USP54: variants seen among roughly 807,000 people sequenced by gnomAD.
USP54 encodes the protein ubiquitin carboxyl-terminal hydrolase 54.
USP54 carries 87 observed loss-of-function variants against 170.5 expected under a neutral mutation model. The observed-to-expected ratio is 0.51, with a 90% CI of 0.43 to 0.61. The LOEUF (loss-of-function observed/expected upper bound fraction) is 0.61. Among genes scored for constraint, USP54 ranks in the 20% least tolerant of loss-of-function variants. The probability of loss-of-function intolerance (pLI) is 0.00; values close to 1 mark genes in which losing one functional copy is unlikely to be tolerated. For synonymous variants in USP54, 655 were observed against 742.8 expected, an observed-to-expected ratio of 0.88 and a Z score of 1.92; for missense variants, 1,786 against 2,047.8, an observed-to-expected ratio of 0.87 and a Z score of 2.47.
intron 12 of USP54, among the ~76,000 whole-genome samples, chr10:73,532,296 C>G (rs937818091): frequency 2.6e-5 from 4 of 152,180 alleles, no homozygotes; most frequent in African/African-American, 9.7e-5. Flanking sequence ...CCTCAGCCTC[C>G]TGAGTAGCTG....
chr10:73,592,604 T>C (rs1182883334), upstream of USP54, among the ~76,000 whole-genome samples: 1 of 152,182 alleles, frequency 6.6e-6, no homozygotes, highest in Non-Finnish European at 1.5e-5. Context: ...ACAAAATTTC[T>C]ACTGATAAGT....
At chr10:73,528,835 A>G (rs536742727) in intron 15 of USP54, among the ~76,000 whole-genome samples, 4 of 152,336 alleles carry the variant, frequency 2.6e-5, no homozygotes, top group African/African-American at 9.6e-5. Context: ...GGTATACAAC[A>G]TGATGTTATG....
chr10:73,513,958 G>T (rs1024708832), intron 20 of USP54, among the ~76,000 whole-genome samples: 1 of 152,092 alleles, frequency 6.6e-6, no homozygotes, highest in African/African-American at 2.4e-5. Context: ...TGGGATTACA[G>T]GTGCCCGCCA....
At chr10:73,556,122 A>G (rs2070925685) in intron 4 of USP54, among the ~76,000 whole-genome samples, 1 of 152,098 alleles carries the variant, frequency 6.6e-6, no homozygotes, top group Non-Finnish European at 1.5e-5. Flanking sequence ...GATTAGACAT[A>G]AGGACATACT....
chr10:73,502,559 C>T (rs1231587080), intron 22 of USP54, among the ~76,000 whole-genome samples: 2 of 151,844 alleles, frequency 1.3e-5, no homozygotes, highest in East Asian at 1.9e-4. Context: ...ATGATCTGCC[C>T]GCCTCAGCCT....
In USP54 at chr10:73,519,874, C is replaced by T; in HGVS notation, c.2601G>A (p.Gln867=). 1 of 1,614,166 alleles carries T rather than the reference C, an allele frequency of 6.2e-7. No individual in the cohort carries two copies. Among genetic ancestry groups the T allele is most frequent in the East Asian group, 2.2e-5 (1 of 44,882 alleles). The change falls in exon 19 of 24, where the codon CAG becomes CAA. Residue 867 remains glutamine (Q), a synonymous_variant. Transcript: ENST00000687698. ...KARSLQDRMQ[Q]QQSPQQPSQP... is the part of the protein sequence containing the mutation. ...GCGACGGCTGCTGTGGTGATTGCTG[C>T]TGCTGCATGCGATCCTGCAGGCTCC... is the stretch of plus-strand genomic sequence containing the variant.
chr10:73,523,919 A>C (rs2062394076), intron 16 of USP54, among the ~76,000 whole-genome samples, 169 bp from the exon 17 acceptor site: 1 of 143,174 alleles, frequency 7.0e-6, no homozygotes, highest in Non-Finnish European at 1.5e-5. Flanking sequence ...TATTATTATT[A>C]TTATTTTGAG....
At chr10:73,528,944 G>A (rs1024754386) in intron 15 of USP54, 6 of 152,022 alleles carry the variant, frequency 3.9e-5, no homozygotes, top group Non-Finnish European at 8.8e-5. Context: ...TGTGGCAAGA[G>A]GAGTTAAAAT....
In USP54 at chr10:73,614,518, C is replaced by A. The variant is rs138073405; in HGVS notation, c.-18+11049G>T. ...GATGTTGCAGTGAGCCGAGATCACGCCACGGCACTCCAGCCTAGGCAACAA... is the reference window on the plus strand; with the variant it reads ...GATGTTGCAGTGAGCCGAGATCACGACACGGCACTCCAGCCTAGGCAACAA... On this transcript the variant is annotated intron_variant, in intron 1 of 22. Coordinates refer to the USP54 transcript ENST00000339859. Among the ~76,000 whole-genome samples the A allele has an allele frequency of 5.1e-4, 74 of 145,304 alleles. 4 individuals are homozygous for A. Among genetic ancestry groups the A allele is most frequent in the African/African-American group, 2.0e-3 (74 of 36,570 alleles).
intron 20 of USP54, chr10:73,506,609 T>G (rs1278076663): frequency 6.6e-6 from 1 of 152,236 alleles, no homozygotes; most frequent in Non-Finnish European, 1.5e-5. Context: ...TCAGTATTCC[T>G]GGGTACTTAA....
chr10:73,579,782 A>AAC (rs1564908754), intron 1 of USP54, among the ~76,000 whole-genome samples: 1 of 151,970 alleles, frequency 6.6e-6, no homozygotes, highest in East Asian at 1.9e-4. Flanking sequence ...ACAACAACAA[A>AAC]AAAAAACTAC....
intron 13 of USP54, 41 bp downstream of exon 13, chr10:73,530,663 A>C: frequency 6.2e-7 from 1 of 1,609,538 alleles, no homozygotes; most frequent in South Asian, 1.1e-5. Context: ...AGTTTGATAG[A>C]GTGAATGAAG....
intron 4 of USP54, among the ~76,000 whole-genome samples, chr10:73,559,184 G>A (rs1181398891): frequency 6.6e-6 from 1 of 152,096 alleles, no homozygotes; most frequent in Non-Finnish European, 1.5e-5. Flanking sequence ...ACCTTGGGAG[G>A]CCAAGACAGG....
chr10:73,561,766 C>G (rs1413119067), intron 4 of USP54, among the ~76,000 whole-genome samples: 2 of 152,160 alleles, frequency 1.3e-5, no homozygotes, highest in African/African-American at 2.4e-5. Context: ...TGAGAAGATA[C>G]TAACTTCAAT....
chr10:73,518,730 T>C (rs1275144103), intron 19 of USP54: 1 of 152,712 alleles, frequency 6.5e-6, no homozygotes, highest in Admixed American at 6.5e-5. Context: ...TTTTTTTTTT[T>C]TTTTTTTTTT....
chr10:73,624,143 AAGGATTT>A (rs1043522674), intron 1 of USP54, among the ~76,000 whole-genome samples: 2 of 127,506 alleles, frequency 1.6e-5, no homozygotes, highest in Non-Finnish European at 3.3e-5. Context: ...CCAGCTGAAG[AAGGATTT>A]TTAAAAGCCA....
chr10:73,586,276 C>T (rs1051819153), intron 1 of USP54, among the ~76,000 whole-genome samples: 1 of 152,182 alleles, frequency 6.6e-6, no homozygotes, highest in African/African-American at 2.4e-5. Context: ...CTCTGGAATG[C>T]CTTTCCTCTC....
Position 73,530,346 on chromosome 10 carries a change from T to C in USP54, c.1625A>G (p.Lys542Arg). ...TAAAGGCAGGGTCCTAGGAGGTTTTTTGTCAGGCTGGTCTCCTCCTCTGCC... is the reference window on the plus strand; with the variant it reads ...TAAAGGCAGGGTCCTAGGAGGTTTTCTGTCAGGCTGGTCTCCTCCTCTGCC... Reference protein sequence around the residue: ...CRGRGGDQPDKKPPRTLPLHS... With the variant: ...CRGRGGDQPDRKPPRTLPLHS... The change falls in exon 14 of 24, where the codon AAA (lysine) becomes AGA (arginine). Residue 542 changes from lysine to arginine, a missense_variant. Lys to Arg is a conservative substitution (Grantham distance 26). Transcript: ENST00000687698. 6.2e-7 allele frequency: 1 copy of C among 1,614,102 alleles called. No homozygotes were observed.
Position 73,541,511 on chromosome 10 carries a change from CCA to C in USP54, c.687_688del (p.Cys229TrpfsTer43). The C allele has an allele frequency of 1.9e-6, 3 of 1,614,220 alleles. No homozygotes were observed. The highest frequency in any genetic ancestry group is 2.5e-6 in the Non-Finnish European group (3 of 1,180,040). On this transcript the variant is annotated frameshift_variant, in exon 9 of 24. Coordinates refer to ENST00000687698, the MANE Select transcript of USP54 (RefSeq NM_001391956.1). LOFTEE classifies it high-confidence loss of function. Reference sequence around the variant, plus strand: ...CACACGGCGAATCCTGATCCTCTCTCCACAGTTGCTCTGAAATACATATATAA... The same window carrying C: ...CACACGGCGAATCCTGATCCTCTCTCCAGTTGCTCTGAAATACATATATAA...
Sources: gnomAD v4.1 joint callset for allele counts (sites outside exome capture counted in the v4.1 genomes callset) on GRCh38, gnomAD v4.1.1 for gene constraint, MANE v1.5 for transcripts, NCBI Gene and HGNC (gene_info 2026-07-23, HGNC 2026-07-21) for gene names.